GRAMD2B: variants seen among roughly 807,000 people sequenced by gnomAD.
GRAMD2B encodes the protein GRAM domain-containing protein 2B.
GRAMD2B carries 41 observed loss-of-function variants against 59.2 expected under a neutral mutation model. The ratio of observed to expected loss-of-function variants is 0.69; its 90% CI spans 0.54 to 0.90. The LOEUF is 0.90. GRAMD2B is among the 40% of genes least tolerant of loss of function. The probability of loss-of-function intolerance (pLI) is 0.00; values close to 1 mark genes in which losing one functional copy is unlikely to be tolerated. For missense variants in GRAMD2B, 424 were observed against 500.5 expected, an observed-to-expected ratio of 0.85 and a Z score of 1.46; for synonymous variants, 161 against 182.7, an observed-to-expected ratio of 0.88 and a Z score of 0.96.
At chr5:126,465,672 A>C in intron 2 of GRAMD2B, 127 bp downstream of exon 2, 1 of 818,618 alleles carries the variant, frequency 1.2e-6, no homozygotes, top group South Asian at 1.9e-5. Context: ...ACTCCTGAGA[A>C]AGAATGAGCA....
chr5:126,408,736 T>C (rs755979071), intron 1 of GRAMD2B, among the ~76,000 whole-genome samples: 2 of 150,464 alleles, frequency 1.3e-5, no homozygotes, highest in African/African-American at 2.4e-5. Context: ...ATGTGCACAA[T>C]GTGCAGGCTA....
upstream of GRAMD2B, among the ~76,000 whole-genome samples, chr5:126,420,054 C>CAAA (rs386404926): frequency 0.063 from 6,462 of 102,998 alleles, 311 homozygotes; most frequent in Admixed American, 0.093. Context: ...GACTCTTTCT[C>CAAA]AAAAAAAAAA....
chr5:126,376,547 A>T (rs1755201565), intron 1 of GRAMD2B, among the ~76,000 whole-genome samples: 1 of 152,142 alleles, frequency 6.6e-6, no homozygotes. Flanking sequence ...TCCTGCTGTT[A>T]CAAAAAGGAC....
chr5:126,447,877 A>T (rs780499985), intron 1 of GRAMD2B, among the ~76,000 whole-genome samples: 1,017 of 80,058 alleles, frequency 0.013, 9 homozygotes, highest in Admixed American at 0.04. Flanking sequence ...TTTTTTTTTA[A>T]AAAATAGTCT....
chr5:126,456,023 C>T (rs935464645), intron 1 of GRAMD2B, among the ~76,000 whole-genome samples: 2 of 152,210 alleles, frequency 1.3e-5, no homozygotes, highest in African/African-American at 4.8e-5. Flanking sequence ...ATAGTAACAG[C>T]TCAAACATTT....
At chr5:126,477,839 C>T (rs766216846) in intron 6 of GRAMD2B, 52 bp downstream of exon 6, 1 of 1,049,404 alleles carries the variant, frequency 9.5e-7, no homozygotes, top group Non-Finnish European at 1.5e-6. Flanking sequence ...CTGCTCTGGG[C>T]TCTGCTGCCT....
chr5:126,479,726 T>C (rs1473334725), intron 6 of GRAMD2B, among the ~76,000 whole-genome samples: 2 of 152,220 alleles, frequency 1.3e-5, no homozygotes, highest in Non-Finnish European at 2.9e-5. Context: ...AGTTCCCTCA[T>C]TGGTGAATGA....
chr5:126,450,618 T>C (rs1765160882), intron 1 of GRAMD2B, among the ~76,000 whole-genome samples: 2 of 131,730 alleles, frequency 1.5e-5, no homozygotes, highest in African/African-American at 2.9e-5. Context: ...GAAGATAACC[T>C]CTAAAACCAG....
chr5:126,381,154 T>G (rs1303378041), intron 1 of GRAMD2B, among the ~76,000 whole-genome samples: 1 of 152,224 alleles, frequency 6.6e-6, no homozygotes, highest in Non-Finnish European at 1.5e-5. Context: ...TCTATGGAGA[T>G]GATCATGTGA....
intron 1 of GRAMD2B, among the ~76,000 whole-genome samples, chr5:126,440,505 C>T (rs183520727): frequency 2.4e-3 from 372 of 152,136 alleles, no homozygotes; most frequent in African/African-American, 8.6e-3. Context: ...TTTTCAAATC[C>T]ATGGGGAAAA....
intron 1 of GRAMD2B, among the ~76,000 whole-genome samples, chr5:126,447,556 C>G (rs1328101923): frequency 6.6e-6 from 1 of 151,548 alleles, no homozygotes. Flanking sequence ...CCCAGCTACT[C>G]AGGAGGCTGA....
At chr5:126,466,970 T>C (rs1768552499) in intron 2 of GRAMD2B, among the ~76,000 whole-genome samples, 1 of 152,172 alleles carries the variant, frequency 6.6e-6, no homozygotes, top group South Asian at 2.1e-4. Flanking sequence ...TGTTCCCCTC[T>C]TGCTATCCAG....
At position 126,493,731 on chromosome 5, in the gene GRAMD2B, T is replaced by G. The variant is rs973419785; in HGVS notation, c.*775T>G. 1.3e-5 allele frequency: 2 copies of G among 152,470 alleles called. No individual in the cohort carries two copies. Among genetic ancestry groups the G allele is most frequent in the African/African-American group, 4.8e-5 (2 of 41,452 alleles). 9.4% of individuals were successfully genotyped at this position (152,470 alleles called of 1,614,324 possible). A position where few individuals can be genotyped will look rare whatever the true frequency, so the allele number is the denominator to read the frequency against. Reference sequence around the variant, plus strand: ...CTAATTTTTAAGCCAAAAGGTGTAATAGTGATTTAATACAGGATGAAAAAC... The same window carrying G: ...CTAATTTTTAAGCCAAAAGGTGTAAGAGTGATTTAATACAGGATGAAAAAC... On this transcript the variant is annotated 3_prime_UTR_variant, in exon 14 of 14. Coordinates refer to ENST00000285689, the MANE Select transcript of GRAMD2B (RefSeq NM_023927.4).
intron 1 of GRAMD2B, among the ~76,000 whole-genome samples, chr5:126,426,821 T>G (rs2149790216): frequency 6.6e-6 from 1 of 152,352 alleles, no homozygotes; most frequent in South Asian, 2.1e-4. Flanking sequence ...GTACATTTAC[T>G]TGCCCGAGAG....
exon 1 of GRAMD2B, chr5:126,371,398 G>A (rs760016909): frequency 8.0e-7 from 1 of 1,252,756 alleles, no homozygotes; most frequent in South Asian, 1.3e-5. Flanking sequence ...ACTCAGAAAT[G>A]AGCTTTTAAG....
At chr5:126,482,929 A>G (rs956580414) in intron 8 of GRAMD2B, among the ~76,000 whole-genome samples, 3 of 152,192 alleles carry the variant, frequency 2.0e-5, no homozygotes, top group Admixed American at 6.5e-5. Flanking sequence ...ATGTACTATC[A>G]CTAACCCTGT....
At chr5:126,438,967 G>C (rs1270957458) in intron 1 of GRAMD2B, among the ~76,000 whole-genome samples, 1 of 152,194 alleles carries the variant, frequency 6.6e-6, no homozygotes, top group Non-Finnish European at 1.5e-5. Context: ...ATTACAGGCA[G>C]ATATGGGGAT....
chr5:126,397,281 G>T (rs1254823034), intron 1 of GRAMD2B, among the ~76,000 whole-genome samples: 1 of 152,150 alleles, frequency 6.6e-6, no homozygotes, highest in Non-Finnish European at 1.5e-5. Flanking sequence ...CTGAAACAGA[G>T]TGGTGTGATC....
At chr5:126,434,526 A>ATTTTT (rs576454532) in intron 1 of GRAMD2B, among the ~76,000 whole-genome samples, 2 of 148,982 alleles carry the variant, frequency 1.3e-5, no homozygotes, top group Admixed American at 6.7e-5. Context: ...TTTTATTTTT[A>ATTTTT]TTTTTTTTTG....
Sources: allele counts gnomAD v4.1 joint callset (sites outside exome capture counted in the v4.1 genomes callset), GRCh38; gene constraint gnomAD v4.1.1; transcripts MANE v1.5; gene names NCBI Gene and HGNC (gene_info 2026-07-23, HGNC 2026-07-21).